Variants in SLC5A11 observed in about 807,000 individuals in gnomAD.
The protein encoded by SLC5A11 is sodium/myo-inositol cotransporter 2.
A neutral mutation model predicts 69.8 loss-of-function variants in SLC5A11; 48 were observed. That is an observed-to-expected ratio of 0.69 (90% CI 0.55 to 0.87). The LOEUF is 0.87. Among genes scored for constraint, SLC5A11 ranks in the 40% least tolerant of loss-of-function variants. SLC5A11 has a pLI of 0.00. For synonymous variants in SLC5A11, 319 were observed against 342.4 expected (o/e 0.93, Z 0.75); for missense variants, 784 against 866.1 (o/e 0.91, Z 1.19).
At chr16:24,888,112 G>A (rs548010498) in intron 8 of SLC5A11, among the ~76,000 whole-genome samples, 13 of 151,920 alleles carry the variant, frequency 8.6e-5, no homozygotes, top group African/African-American at 2.7e-4. Context: ...GGAATCACCC[G>A]CAAAAATTAA....
chr16:24,861,448 C>T (rs2059765384), intron 2 of SLC5A11, among the ~76,000 whole-genome samples: 1 of 150,974 alleles, frequency 6.6e-6, no homozygotes, highest in African/African-American at 2.4e-5. Context: ...TCACTGCACT[C>T]CAGCCTGAGT....
At position 24,849,569 on chromosome 16, in the gene SLC5A11, G is replaced by A. The variant is rs11645221; in HGVS notation, c.-25+3131G>A. ...GTAACAGAGCGAGACTCTGCCTTGGGGGCAAAAAAAAAAAAAAAAAAAAAA... is the reference window on the plus strand; with the variant it reads ...GTAACAGAGCGAGACTCTGCCTTGGAGGCAAAAAAAAAAAAAAAAAAAAAA... On this transcript the variant is annotated intron_variant, in intron 1 of 15. Transcript: ENST00000347898. Among the ~76,000 whole-genome samples, 314 of 43,518 alleles carry A rather than the reference G, an allele frequency of 7.2e-3. 4 individuals are homozygous for A. The highest frequency in any genetic ancestry group is 9.7e-3 in the Non-Finnish European group (242 of 25,070). The allele number at this position is 43,518 out of a possible 152,430, so 28.5% of individuals were successfully genotyped here.
chr16:24,876,756 G>A (rs983768046), intron 6 of SLC5A11, among the ~76,000 whole-genome samples: 19 of 152,238 alleles, frequency 1.2e-4, no homozygotes, highest in African/African-American at 4.3e-4. Context: ...TACAGTTAGA[G>A]AAAGGGGATT....
In SLC5A11 at chr16:24,884,137, TG is replaced by T; in HGVS notation, c.664+10del. Reference sequence around the variant, plus strand: ...GCTCACCTTGATGGGCTACAGTAAGTGGGGTCCCCGGGTCACTGGGGCGGAC... The same window carrying T: ...GCTCACCTTGATGGGCTACAGTAAGTGGGTCCCCGGGTCACTGGGGCGGAC... On this transcript the variant is annotated splice_region_variant and intron_variant, in intron 8 of 15. Transcript: ENST00000347898. The T allele has an allele frequency of 6.2e-7, 1 of 1,613,948 alleles. No individual in the cohort carries two copies. Among genetic ancestry groups the T allele is most frequent in the Non-Finnish European group, 8.5e-7 (1 of 1,179,884 alleles).
chr16:24,896,010 A>T (rs2049136292), intron 9 of SLC5A11, among the ~76,000 whole-genome samples: 2 of 151,268 alleles, frequency 1.3e-5, no homozygotes, highest in Admixed American at 1.3e-4. Context: ...TTTAGTGAGG[A>T]CTCATTTAGT....
Position 24,903,487 on chromosome 16 carries a change from C to T in SLC5A11, c.1007-3170C>T, listed in dbSNP as rs918776138. ...TGTACTTTTCTATCCATTTACCAAC[C>T]TTTGGCTACCCTCCTCCCCACTACC... On this transcript the variant is annotated intron_variant, in intron 10 of 15. Transcript: ENST00000347898. Among the ~76,000 whole-genome samples, 6 of 152,206 alleles carry T rather than the reference C, an allele frequency of 3.9e-5. No homozygotes were observed. In the South Asian group the frequency reaches 1.0e-3, roughly 26 times the overall value.
At chr16:24,888,726 T>C (rs2048562017) in intron 8 of SLC5A11, among the ~76,000 whole-genome samples, 1 of 146,028 alleles carries the variant, frequency 6.8e-6, no homozygotes, top group Admixed American at 6.9e-5. Flanking sequence ...TCAGGCGATC[T>C]GCCCACTTTG....
chr16:24,849,778 A>G (rs954100845), intron 1 of SLC5A11, among the ~76,000 whole-genome samples: 5 of 151,138 alleles, frequency 3.3e-5, no homozygotes, highest in Non-Finnish European at 7.4e-5. Flanking sequence ...CACTGGGCAT[A>G]TGCCCTGTTA....
At chr16:24,865,938 C>A (rs1893466025) in intron 3 of SLC5A11, among the ~76,000 whole-genome samples, 1 of 151,178 alleles carries the variant, frequency 6.6e-6, no homozygotes, top group South Asian at 2.1e-4. Context: ...AAGACAGTTG[C>A]ATAAATAGCA....
At chr16:24,854,430 GTT>G (rs11289560) in intron 1 of SLC5A11, among the ~76,000 whole-genome samples, 3 of 147,810 alleles carry the variant, frequency 2.0e-5, no homozygotes, top group African/African-American at 7.4e-5. Flanking sequence ...GTAAAGTAAA[GTT>G]TTTTTTTTTT....
At chr16:24,908,175 C>A in intron 13 of SLC5A11, 44 bp downstream of exon 14, 1 of 1,523,734 alleles carries the variant, frequency 6.6e-7, no homozygotes. Flanking sequence ...AAGTGCTGCC[C>A]CTTGAGGACT....
At chr16:24,890,483 C>CAAAAAAAAAAAAAAAAAAAAAAA (rs1171814653) in intron 8 of SLC5A11, among the ~76,000 whole-genome samples, 2 of 77,506 alleles carry the variant, frequency 2.6e-5, no homozygotes, top group African/African-American at 1.2e-4. Context: ...GACTTCATAT[C>CAAAAAAAAAAAAAAAAAAAAAAA]AAAAAAAAAA....
chr16:24,848,898 T>G (rs1290557382), intron 1 of SLC5A11, among the ~76,000 whole-genome samples: 1 of 152,132 alleles, frequency 6.6e-6, no homozygotes, highest in African/African-American at 2.4e-5. Flanking sequence ...TGATGGTGGC[T>G]CAGACAAGGG....
intron 1 of SLC5A11, among the ~76,000 whole-genome samples, chr16:24,847,295 T>TTTTC (rs59941163): frequency 0.27 from 39,554 of 144,986 alleles, 5,727 homozygotes; most frequent in Non-Finnish European, 0.3. Context: ...CTTTTCCCTT[T>TTTTC]TTTCTTTCTT....
chr16:24,888,220 A>G (rs891433224), intron 8 of SLC5A11, among the ~76,000 whole-genome samples: 2 of 152,138 alleles, frequency 1.3e-5, no homozygotes, highest in Non-Finnish European at 2.9e-5. Flanking sequence ...TCATTAGGAA[A>G]AGTGTAAATT....
intron 9 of SLC5A11, among the ~76,000 whole-genome samples, chr16:24,893,744 G>T (rs2048968691): frequency 6.6e-6 from 1 of 151,778 alleles, no homozygotes; most frequent in Non-Finnish European, 1.5e-5. Flanking sequence ...CTAATTTTTG[G>T]TATTTTTTGT....
In SLC5A11 at chr16:24,849,593, A is replaced by AATAT. The variant is rs1555515955; in HGVS notation, c.-25+3182_-25+3185dup. 5.9e-3 allele frequency among the ~76,000 whole-genome samples: 213 copies of AATAT among 35,866 alleles called. 6 individuals are homozygous for AATAT. The highest frequency in any genetic ancestry group is 0.019 in the East Asian group (27 of 1,404). The allele number at this position is 35,866 out of a possible 152,430, so 23.5% of individuals were successfully genotyped here. A position where few individuals can be genotyped will look rare whatever the true frequency, so the allele number is the denominator to read the frequency against. On this transcript the variant is annotated intron_variant, in intron 1 of 15. Transcript: ENST00000347898. The stretch of plus-strand genomic sequence containing the variant: ...GGGGCAAAAAAAAAAAAAAAAAAAA[A>AATAT]ATATATATATATATATATATATATA...
intron 14 of SLC5A11, 26 bp downstream of exon 15, chr16:24,909,122 C>T (rs780963235): frequency 2.6e-5 from 41 of 1,604,264 alleles, no homozygotes; most frequent in South Asian, 5.5e-5. Context: ...TGGCTAGATC[C>T]GTTGAGACTT....
intron 10 of SLC5A11, among the ~76,000 whole-genome samples, chr16:24,902,546 C>CTTTTT (rs35191056): frequency 7.7e-6 from 1 of 130,290 alleles, no homozygotes; most frequent in African/African-American, 2.9e-5. Flanking sequence ...CCAATCAAGT[C>CTTTTT]TTTTTTTTTT....
Sources: gnomAD v4.1 joint callset for allele counts (sites outside exome capture counted in the v4.1 genomes callset) on GRCh38, gnomAD v4.1.1 for gene constraint, MANE v1.5 for transcripts, NCBI Gene and HGNC (gene_info 2026-07-23, HGNC 2026-07-21) for gene names.